Variants in ZNF722 observed in about 807,000 individuals in gnomAD.
ZNF722 encodes the protein zinc finger protein 479 pseudogene.
At chr7:64,000,436 CTTTTTTTTTTTTT>C in the ZNF722 span, among the ~76,000 whole-genome samples, 10 of 23,676 alleles carry the variant, frequency 4.2e-4, no homozygotes, top group East Asian at 1.5e-3. Context: ...CATGCCCGGC[CTTTTTTTTTTTTT>C]TTTTTTTTTT....
At chr7:64,017,903 AT>A in the ZNF722 span, among the ~76,000 whole-genome samples, 3 of 152,218 alleles carry the variant, frequency 2.0e-5, no homozygotes, top group African/African-American at 7.2e-5. Flanking sequence ...AGCAAATAAT[AT>A]TGTAACTCAA....
chr7:64,011,330 T>A, the ZNF722 span, among the ~76,000 whole-genome samples: 2 of 152,204 alleles, frequency 1.3e-5, no homozygotes, highest in Non-Finnish European at 2.9e-5. Context: ...GTTGATGCAG[T>A]TTCTTCTTAG....
At chr7:64,006,147 T>C in the ZNF722 span, 2 of 777,568 alleles carry the variant, frequency 2.6e-6, no homozygotes, top group East Asian at 6.1e-5. Flanking sequence ...TTAAATCCTC[T>C]TTACTAACCA....
the ZNF722 span, among the ~76,000 whole-genome samples, chr7:64,009,303 G>A: frequency 1.3e-5 from 2 of 152,170 alleles, no homozygotes; most frequent in Admixed American, 1.3e-4. Flanking sequence ...TGGTGAGAGG[G>A]CATCCCTGTC....
chr7:64,016,148 T>C, the ZNF722 span: 2 of 411,644 alleles, frequency 4.9e-6, no homozygotes, highest in African/African-American at 2.1e-5. Context: ...TTAAAAAAAA[T>C]ATTTTTTTGA....
the ZNF722 span, among the ~76,000 whole-genome samples, chr7:64,009,155 GGGGTTTTGTAAAT>G: frequency 1.3e-5 from 2 of 152,180 alleles, no homozygotes; most frequent in Non-Finnish European, 2.9e-5. Context: ...CTGAGACAAT[GGGGTTTTGTAAAT>G]ATACAATCAT....
At chr7:64,012,124 G>A in the ZNF722 span, among the ~76,000 whole-genome samples, 55 of 152,108 alleles carry the variant, frequency 3.6e-4, no homozygotes, top group Admixed American at 2.1e-3. Flanking sequence ...AGCTCCATCC[G>A]GTTATTTAAG....
the ZNF722 span, among the ~76,000 whole-genome samples, chr7:64,007,405 C>T: frequency 1.1e-4 from 17 of 152,112 alleles, no homozygotes; most frequent in South Asian, 2.5e-3. Context: ...CCCAACTCCA[C>T]GACAGGCCCT....
chr7:64,009,874 G>C, the ZNF722 span, among the ~76,000 whole-genome samples: 1 of 152,040 alleles, frequency 6.6e-6, no homozygotes, highest in Admixed American at 6.6e-5. Flanking sequence ...TCTGGTCCTG[G>C]ACTTTTTTTG....
chr7:64,006,363 A>G, the ZNF722 span: 2 of 1,169,048 alleles, frequency 1.7e-6, no homozygotes, highest in Non-Finnish European at 2.4e-6. Context: ...TGAGAGATAC[A>G]CAAATCAACA....
chr7:64,000,802 G>A, the ZNF722 span, among the ~76,000 whole-genome samples: 1 of 151,004 alleles, frequency 6.6e-6, no homozygotes, highest in African/African-American at 2.4e-5. Context: ...GGAGCAGGAC[G>A]GAGTCTCACT....
chr7:64,014,002 C>T, the ZNF722 span, among the ~76,000 whole-genome samples: 1 of 151,934 alleles, frequency 6.6e-6, no homozygotes, highest in Admixed American at 6.6e-5. Flanking sequence ...CACTGGTTGT[C>T]TCGGAGGACT....
At chr7:64,008,320 T>G in the ZNF722 span, among the ~76,000 whole-genome samples, 1 of 152,192 alleles carries the variant, frequency 6.6e-6, no homozygotes, top group Non-Finnish European at 1.5e-5. Context: ...TCCTTGCCCA[T>G]GCCTATGTCC....
At chr7:64,000,206 C>G in the ZNF722 span, among the ~76,000 whole-genome samples, 1 of 150,800 alleles carries the variant, frequency 6.6e-6, no homozygotes, top group African/African-American at 2.4e-5. Context: ...TCTTGGCTCA[C>G]TGCAACCTCC....
the ZNF722 span, chr7:64,006,277 G>T: frequency 1.5e-4 from 198 of 1,315,972 alleles, no homozygotes; most frequent in Non-Finnish European, 1.9e-4. Flanking sequence ...AAATAAAGAG[G>T]CTTGGAATAT....
At chr7:63,999,041 G>A in the ZNF722 span, 1 of 1,563,536 alleles carries the variant, frequency 6.4e-7, no homozygotes, top group Non-Finnish European at 8.8e-7. Context: ...GCGGGAGACG[G>A]TTGGAACCGG....
the ZNF722 span, among the ~76,000 whole-genome samples, chr7:64,010,261 T>C: frequency 6.6e-6 from 1 of 152,192 alleles, no homozygotes; most frequent in Non-Finnish European, 1.5e-5. Context: ...GCTTTGATCT[T>C]AGCTGTTTCT....
the ZNF722 span, among the ~76,000 whole-genome samples, chr7:64,017,819 G>GT: frequency 2.6e-5 from 4 of 151,804 alleles, no homozygotes; most frequent in South Asian, 2.1e-4. Context: ...CAAAGAAGTA[G>GT]TTTTTTTTGG....
chr7:64,004,803 C>G, the ZNF722 span, among the ~76,000 whole-genome samples: 1 of 152,122 alleles, frequency 6.6e-6, no homozygotes, highest in African/African-American at 2.4e-5. Flanking sequence ...AACTCAGACT[C>G]TGCCACTTAC....
Sources: allele counts gnomAD v4.1 joint callset (sites outside exome capture counted in the v4.1 genomes callset), GRCh38; gene constraint gnomAD v4.1.1; transcripts MANE v1.5; gene names NCBI Gene and HGNC (gene_info 2026-07-23, HGNC 2026-07-21).